TPP2: variants seen among roughly 807,000 people sequenced by gnomAD.
The protein encoded by TPP2 is tripeptidyl peptidase 2.
In TPP2, 34 loss-of-function variants were observed where a neutral mutation model predicts 155.9. That is an observed-to-expected ratio of 0.22 (90% CI 0.17 to 0.29). The LOEUF (loss-of-function observed/expected upper bound fraction) is 0.29. TPP2 is among the 10% of genes least tolerant of loss of function. TPP2 has a pLI of 1.00. For missense variants in TPP2, 1,028 were observed against 1,522.3 expected, an observed-to-expected ratio of 0.68 and a Z score of 5.40; for synonymous variants, 510 against 529.4, an observed-to-expected ratio of 0.96 and a Z score of 0.50.
chr13:102,597,269 G>A, intron 1 of TPP2, 66 bp downstream of exon 1: 2 of 949,126 alleles, frequency 2.1e-6, no homozygotes, highest in Non-Finnish European at 2.8e-6. Context: ...TGGGGACACA[G>A]TCTCGGAGCC....
chr13:102,671,276 G>A (rs647666), intron 27 of TPP2, among the ~76,000 whole-genome samples: 75,424 of 152,082 alleles, frequency 0.5, 19,098 homozygotes, highest in African/African-American at 0.6. Flanking sequence ...TTGATAGCCC[G>A]TAAGTCATGC....
At chr13:102,668,869 C>T (rs1179756698) in intron 27 of TPP2, among the ~76,000 whole-genome samples, 1 of 152,162 alleles carries the variant, frequency 6.6e-6, no homozygotes, top group Admixed American at 6.6e-5. Flanking sequence ...CAACATCTCC[C>T]AGGTAATGTC....
chr13:102,645,064 C>G, intron 19 of TPP2, 55 bp downstream of exon 19: 3 of 1,501,130 alleles, frequency 2.0e-6, no homozygotes, highest in Non-Finnish European at 2.7e-6. Flanking sequence ...GGGGGGATCT[C>G]TTACACTCTT....
chr13:102,636,621 G>A (rs529227085), intron 13 of TPP2, among the ~76,000 whole-genome samples: 52 of 152,300 alleles, frequency 3.4e-4, no homozygotes, highest in Non-Finnish European at 1.9e-4. Context: ...AGTAGAATGA[G>A]CCTCAGTGAC....
At chr13:102,669,937 AGG>A (rs1884861353) in intron 27 of TPP2, among the ~76,000 whole-genome samples, 1 of 152,192 alleles carries the variant, frequency 6.6e-6, no homozygotes, top group South Asian at 2.1e-4. Context: ...GGACTTAATA[AGG>A]GCTGTTTCAA....
chr13:102,671,531 C>G (rs910180889), intron 27 of TPP2, among the ~76,000 whole-genome samples: 1 of 152,190 alleles, frequency 6.6e-6, no homozygotes, highest in African/African-American at 2.4e-5. Context: ...CCTCAACCCT[C>G]TTGTAAATGG....
intron 10 of TPP2, among the ~76,000 whole-genome samples, chr13:102,632,560 T>C (rs1252258735): frequency 6.6e-6 from 1 of 152,196 alleles, no homozygotes; most frequent in African/African-American, 2.4e-5. Flanking sequence ...TTTAGAATAC[T>C]GATTTAAACA....
chr13:102,629,595 C>T lies in TPP2; in HGVS notation c.1130C>T (p.Thr377Ile). 1 of 1,549,906 alleles carries T rather than the reference C, an allele frequency of 6.5e-7. No homozygotes were observed. The highest frequency in any genetic ancestry group is 8.6e-7 in the Non-Finnish European group (1 of 1,158,902). The part of the protein sequence containing the change: ...LSTVGCPGGT[T>I]SSVIGVGAYV... ...ACAGTTGGTTGTCCAGGTGGAACTA[C>T]ATCAAGTGTGATAGGTTAGTTTCCT... Residue 377 changes from threonine (T) to isoleucine (I), a missense_variant, in exon 9 of 30, where the codon ACA becomes ATA. This residue lies in a region of TPP2 where 63 missense variants were observed against 165.7 expected (regional missense o/e 0.38). Transcript: ENST00000376052.
chr13:102,655,448 A>G (rs1358015372), intron 24 of TPP2, among the ~76,000 whole-genome samples: 1 of 152,218 alleles, frequency 6.6e-6, no homozygotes, highest in Non-Finnish European at 1.5e-5. Context: ...TGCAAACCTG[A>G]AGATAGAATT....
chr13:102,649,539 T>G, intron 23 of TPP2, 53 bp downstream of exon 23: 1 of 1,474,318 alleles, frequency 6.8e-7, no homozygotes, highest in Non-Finnish European at 9.3e-7. Context: ...ATTTCATTTC[T>G]TTAAAGATAA....
At chr13:102,605,021 A>C in intron 2 of TPP2, 100 bp downstream of exon 2, 1 of 1,516,602 alleles carries the variant, frequency 6.6e-7, no homozygotes. Flanking sequence ...TTAGTTATCC[A>C]TTGCCACATA....
chr13:102,611,127 G>A (rs1394861872), intron 2 of TPP2, among the ~76,000 whole-genome samples: 3 of 152,108 alleles, frequency 2.0e-5, no homozygotes, highest in Non-Finnish European at 4.4e-5. Flanking sequence ...ATGTTGTCAC[G>A]GGCAGCAATG....
intron 2 of TPP2, among the ~76,000 whole-genome samples, chr13:102,611,050 C>G (rs1252747365): frequency 2.6e-5 from 4 of 152,178 alleles, no homozygotes; most frequent in Non-Finnish European, 5.9e-5. Context: ...TCATTTCATT[C>G]ATAAAATTTC....
rs1368552675 is a variant in TPP2, at chr13:102,648,987, T to G, written c.2709T>G (p.Leu903=). ...AGCAAATCAGTGATTTGGAACGCCT[T>G]AAAGACCTTCCATTTATTGTTTCTC... The part of the protein sequence containing the change: ...RHEQISDLER[L]KDLPFIVSHR... The change falls in exon 22 of 30, where the codon CTT becomes CTG. Residue 903 remains leucine, a synonymous_variant. Transcript: ENST00000376052. 6 of 1,613,904 alleles carry G rather than the reference T, an allele frequency of 3.7e-6. No homozygotes were observed. Among genetic ancestry groups the G allele is most frequent in the Non-Finnish European group, 5.1e-6 (6 of 1,179,928 alleles).
At chr13:102,645,135 G>A (rs1883021194) in intron 19 of TPP2, 126 bp downstream of exon 19, 2 of 874,430 alleles carry the variant, frequency 2.3e-6, no homozygotes, top group Non-Finnish European at 3.4e-6. Context: ...TTTTATCCTT[G>A]CCAGCAGATC....
At position 102,596,999 on chromosome 13, in the gene TPP2, C is replaced by A. The variant is rs761393778; in HGVS notation, c.-40C>A. The A allele has an allele frequency of 6.2e-7, 1 of 1,600,372 alleles. No homozygotes were observed. Among genetic ancestry groups the A allele is most frequent in the South Asian group, 1.1e-5 (1 of 90,514 alleles). On this transcript the variant is annotated 5_prime_UTR_variant, in exon 1 of 30. Coordinates refer to ENST00000376052, the MANE Select transcript of TPP2 (RefSeq NM_001330588.2). The stretch of plus-strand genomic sequence containing the variant: ...CCTCGCGCTGCTAGTCCGCGCGCAG[C>A]CTGGCAGTTTGCCGCTTCCTCGTCC...
rs748520088 is a variant in TPP2, at chr13:102,638,276, C to T, written c.1874C>T (p.Pro625Leu). The change falls in exon 15 of 30, where the codon CCG becomes CTG. Residue 625 changes from proline (P) to leucine (L), a missense_variant. By Grantham distance (98) the Pro-to-Leu change is moderately conservative. Transcript: ENST00000376052. Reference sequence around the variant, plus strand: ...GATATAGCATCCCCTAACGCAGGTCCGCTCTTCAGAGTTCCGATCACTGCA... The same window carrying T: ...GATATAGCATCCCCTAACGCAGGTCTGCTCTTCAGAGTTCCGATCACTGCA... Reference protein sequence around the residue: ...GYDIASPNAGPLFRVPITAVI... With the variant: ...GYDIASPNAGLLFRVPITAVI... 12 of 1,612,780 alleles carry T rather than the reference C, an allele frequency of 7.4e-6. No individual in the cohort carries two copies. The Admixed American group carries it at 8.3e-5, about 11-fold the overall frequency.
intron 14 of TPP2, among the ~76,000 whole-genome samples, chr13:102,637,620 G>C (rs1205730681): frequency 1.3e-5 from 2 of 152,124 alleles, no homozygotes; most frequent in African/African-American, 4.8e-5. Context: ...GTGTGATCGT[G>C]GTTCGCTGCA....
At chr13:102,653,851 A>G (rs1681658539) in intron 24 of TPP2, among the ~76,000 whole-genome samples, 1 of 152,228 alleles carries the variant, frequency 6.6e-6, no homozygotes, top group African/African-American at 2.4e-5. Context: ...TTTAACTTAT[A>G]GTGCGTTGTG....
Sources: gnomAD v4.1 joint callset for allele counts (sites outside exome capture counted in the v4.1 genomes callset) on GRCh38, gnomAD v4.1.1 for gene constraint, gnomAD v4.1.1 regional missense constraint, MANE v1.5 for transcripts, NCBI Gene and HGNC (gene_info 2026-07-23, HGNC 2026-07-21) for gene names.